The following AGXT2 variants were observed in gnomAD, a reference collection of about 807,000 sequenced individuals.
AGXT2 encodes the protein alanine--glyoxylate aminotransferase 2, mitochondrial.
In AGXT2, 61 loss-of-function variants were observed where a neutral mutation model predicts 62.5. That is an observed-to-expected ratio of 0.98 (90% CI 0.79 to 1.21). The LOEUF (loss-of-function observed/expected upper bound fraction) is 1.21, where lower values mean the gene tolerates loss of function less well. AGXT2 is among the 50% of genes most tolerant of loss of function. The pLI is 0.00. For synonymous variants in AGXT2, 243 were observed against 218.7 expected (o/e 1.11, Z -0.98); for missense variants, 666 against 641.5 (o/e 1.04, Z -0.41).
At chr5:35,024,273 G>A (rs913880771) in intron 9 of AGXT2, among the ~76,000 whole-genome samples, 3 of 152,162 alleles carry the variant, frequency 2.0e-5, no homozygotes, top group Non-Finnish European at 4.4e-5. Context: ...CATACTTACA[G>A]GTTCTCCACC....
rs549086440 is a variant in AGXT2 at position 35,009,551 on chromosome 5, G to A, written c.1338+449C>T. Among the ~76,000 whole-genome samples the A allele has an allele frequency of 7.2e-5, 11 of 152,066 alleles. No individual in the cohort carries two copies. The East Asian group carries it at 1.2e-3, about 16-fold the overall frequency. On this transcript the variant is annotated intron_variant, in intron 12 of 13. Transcript: ENST00000231420. ...GTGGAGGTTGCAGTGAGCCAAGATC[G>A]TACCACTGCACTCCCAGCCTGGGTG... is the stretch of plus-strand genomic sequence containing the variant.
intron 7 of AGXT2, among the ~76,000 whole-genome samples, chr5:35,028,430 T>C (rs78764512): frequency 0.088 from 13,334 of 152,024 alleles, 757 homozygotes; most frequent in South Asian, 0.15. Context: ...CACACAGGCA[T>C]GAAATCCTGT....
At chr5:35,041,218 C>A (rs1767974159) in intron 1 of AGXT2, among the ~76,000 whole-genome samples, 1 of 4,456 alleles carries the variant, frequency 2.2e-4, no homozygotes. Flanking sequence ...AAAACCTCCC[C>A]CCGCCAAAAA....
chr5:35,002,760 C>G (rs1257538640), intron 13 of AGXT2, among the ~76,000 whole-genome samples: 1 of 138,138 alleles, frequency 7.2e-6, no homozygotes, highest in East Asian at 2.2e-4. Context: ...GGCTATGGCG[C>G]TTTGTGATAG....
intron 11 of AGXT2, among the ~76,000 whole-genome samples, chr5:35,012,063 C>T (rs1395935270): frequency 2.0e-5 from 3 of 151,884 alleles, no homozygotes; most frequent in Non-Finnish European, 2.9e-5. Context: ...ACACAATAGA[C>T]ATTGGAGACC....
chr5:35,030,319 C>T (rs1056640301), intron 7 of AGXT2, among the ~76,000 whole-genome samples: 2 of 152,130 alleles, frequency 1.3e-5, no homozygotes, highest in African/African-American at 4.8e-5. Context: ...ACCAGCCTGG[C>T]CAACATGGTG....
At chr5:35,023,424 C>G (rs1263641746) in intron 9 of AGXT2, among the ~76,000 whole-genome samples, 1 of 152,170 alleles carries the variant, frequency 6.6e-6, no homozygotes, top group African/African-American at 2.4e-5. Context: ...CGCGATAGTC[C>G]TTCTTGAGGA....
chr5:35,023,652 G>A (rs1489393212), intron 9 of AGXT2, among the ~76,000 whole-genome samples: 2 of 152,100 alleles, frequency 1.3e-5, no homozygotes, highest in Non-Finnish European at 2.9e-5. Context: ...TTTTTTTAAA[G>A]TAGCAGATTA....
At chr5:35,043,851 C>T (rs911673377) in intron 1 of AGXT2, among the ~76,000 whole-genome samples, 2 of 152,112 alleles carry the variant, frequency 1.3e-5, no homozygotes, top group Admixed American at 6.5e-5. Context: ...CCACCACACC[C>T]GGCTAGTGTT....
In AGXT2 at chr5:35,035,255, G is replaced by A. The variant is rs201921000; in HGVS notation, c.548C>T (p.Ala183Val). Residue 183 changes from alanine (A) to valine (V), a missense_variant, in exon 5 of 14, where the codon GCG becomes GTG. Physicochemically the swap from Ala to Val is moderately conservative, Grantham distance 64 (BLOSUM62 0). Transcript: ENST00000231420. Reference sequence around the variant, plus strand: ...AATGATGTCTATGTTGTTTGAGTGCGCCCTGGCCATCAGCATGGCCAGCTC... The same window carrying A: ...AATGATGTCTATGTTGTTTGAGTGCACCCTGGCCATCAGCATGGCCAGCTC... ...ANELAMLMARAHSNNIDIISF... is the reference protein window; with the variant it reads ...ANELAMLMARVHSNNIDIISF... The A allele has an allele frequency of 1.3e-4, 203 of 1,614,012 alleles. 1 individual carries two copies. In the East Asian group the frequency reaches 1.8e-3, roughly 15 times the overall value.
At chr5:35,031,885 TG>T (rs1448853868) in intron 7 of AGXT2, among the ~76,000 whole-genome samples, 142 of 107,118 alleles carry the variant, frequency 1.3e-3, no homozygotes, top group Non-Finnish European at 2.5e-3. Flanking sequence ...CTTGATTTCT[TG>T]TTTTTTTTTT....
rs141235149 is a variant in AGXT2, at chr5:35,014,117, C to T, written c.966G>A (p.Val322=). 9.0e-5 allele frequency: 146 copies of T among 1,613,994 alleles called. 3 individuals are homozygous for T. The African/African-American group carries it at 1.8e-3, about 20-fold the overall frequency. Residue 322 remains valine (V), a splice_region_variant and synonymous_variant, in exon 10 of 14, where the codon GTG becomes GTA. Coordinates refer to ENST00000231420, the MANE Select transcript of AGXT2 (RefSeq NM_031900.4). ...AGCCCAACCTTCCAAATCCTGTCTG[C>T]ACCTGGGAAAACAAGTTCAAAACCA... The part of the protein sequence containing the change: ...ARGGVCIADE[V]QTGFGRLGSH...
chr5:35,029,870 C>T (rs890094460), intron 7 of AGXT2, among the ~76,000 whole-genome samples: 1 of 151,990 alleles, frequency 6.6e-6, no homozygotes, highest in African/African-American at 2.4e-5. Flanking sequence ...ATAAATATAC[C>T]ATATAAACAT....
chr5:35,026,554 A>G (rs1767359208), intron 7 of AGXT2, 44 bp from the exon 8 acceptor site: 1 of 1,529,212 alleles, frequency 6.5e-7, no homozygotes, highest in African/African-American at 1.4e-5. Context: ...ACAGCATTTG[A>G]AAATGTGAGC....
At chr5:35,029,712 G>A (rs1409365146) in intron 7 of AGXT2, among the ~76,000 whole-genome samples, 1 of 152,224 alleles carries the variant, frequency 6.6e-6, no homozygotes, top group Non-Finnish European at 1.5e-5. Context: ...TTCAAAAGAA[G>A]AAGAATGACA....
rs77078609 is a variant in AGXT2 at position 35,028,992 on chromosome 5, T to A, written c.770-2482A>T. 2.6e-4 allele frequency among the ~76,000 whole-genome samples: 39 copies of A among 152,312 alleles called. No homozygotes were observed. The East Asian group carries it at 7.3e-3, about 29-fold the overall frequency. On this transcript the variant is annotated intron_variant, in intron 7 of 13. Transcript: ENST00000231420. ...TCATTAAAAGTGAGGAAATACTAGC[T>A]GGCCCCAAACATATTTTTAGATTAC...
intron 12 of AGXT2, among the ~76,000 whole-genome samples, chr5:35,007,205 C>A (rs1481033433): frequency 6.6e-6 from 1 of 152,204 alleles, no homozygotes; most frequent in African/African-American, 2.4e-5. Flanking sequence ...AAGGCACCAT[C>A]TATGAACCAG....
chr5:35,012,047 A>G (rs1766662736), intron 11 of AGXT2, among the ~76,000 whole-genome samples: 1 of 152,004 alleles, frequency 6.6e-6, no homozygotes, highest in Non-Finnish European at 1.5e-5. Context: ...GAGCTAAGCT[A>G]TGGGTACACA....
At chr5:35,019,644 C>T (rs937822809) in intron 9 of AGXT2, among the ~76,000 whole-genome samples, 4 of 152,048 alleles carry the variant, frequency 2.6e-5, no homozygotes, top group South Asian at 2.1e-4. Context: ...AATTGACACC[C>T]TAACATCACA....
Sources: gnomAD v4.1 joint callset for allele counts (sites outside exome capture counted in the v4.1 genomes callset) on GRCh38, gnomAD v4.1.1 for gene constraint, MANE v1.5 for transcripts, NCBI Gene and HGNC (gene_info 2026-07-23, HGNC 2026-07-21) for gene names.